Variants in TG observed in about 807,000 individuals in gnomAD.
TG encodes the protein thyroglobulin, also known as thyroid hormones.
Under a neutral mutation model 324.7 loss-of-function variants are expected in TG, and 270 were observed. The observed-to-expected ratio is 0.83, with a 90% CI of 0.75 to 0.92. The LOEUF (loss-of-function observed/expected upper bound fraction) is 0.92, where lower values mean the gene tolerates loss of function less well. Among genes scored for constraint, TG ranks in the 40% least tolerant of loss-of-function variants. The probability of loss-of-function intolerance (pLI) is 0.00; values close to 1 mark genes in which losing one functional copy is unlikely to be tolerated. For synonymous variants in TG, 1,401 were observed against 1,327.0 expected, an observed-to-expected ratio of 1.06 and a Z score of -1.21; for missense variants, 3,591 against 3,456.4, an observed-to-expected ratio of 1.04 and a Z score of -0.98.
At chr8:132,930,814 C>T (rs1012672193) in intron 23 of TG, among the ~76,000 whole-genome samples, 1 of 152,070 alleles carries the variant, frequency 6.6e-6, no homozygotes, top group African/African-American at 2.4e-5. Context: ...GCCAACTGGG[C>T]CACTGAGTTC....
chr8:133,099,314 C>A (rs190002542), intron 43 of TG, among the ~76,000 whole-genome samples: 1 of 152,228 alleles, frequency 6.6e-6, no homozygotes, highest in African/African-American at 2.4e-5. Context: ...CCTTGGGACA[C>A]GCATTAGTGA....
chr8:132,906,743 G>C lies in TG; in HGVS notation c.3690G>C (p.Leu1230=), dbSNP rs1236592790. The C allele has an allele frequency of 6.2e-7, 1 of 1,614,118 alleles. No homozygotes were observed. Among genetic ancestry groups the C allele is most frequent in the African/African-American group, 1.3e-5 (1 of 74,950 alleles). The part of the protein sequence containing the change: ...NASEVVGGTI[L]CETISGPTGS... Reference sequence around the variant, plus strand: ...CGGAGGTGGTTGGTGGAACAATCCTGTGTGAGACAATCTCGGGCCCCACAG... The same window carrying C: ...CGGAGGTGGTTGGTGGAACAATCCTCTGTGAGACAATCTCGGGCCCCACAG... The change falls in exon 17 of 48, where the codon CTG becomes CTC. Residue 1230 remains leucine (L), a synonymous_variant. Transcript: ENST00000220616.
At chr8:133,020,078 G>A (rs118169685) in intron 39 of TG, among the ~76,000 whole-genome samples, 7,373 of 152,254 alleles carry the variant, frequency 0.048, 228 homozygotes, top group Middle Eastern at 0.078. Flanking sequence ...AATGGAGAGA[G>A]ATATATTTAC....
chr8:132,964,891 G>C (rs1452712696), intron 29 of TG: 1 of 702,144 alleles, frequency 1.4e-6, no homozygotes, highest in African/African-American at 1.7e-5. Context: ...GGCCAGGAAA[G>C]GTTTCTCGGA....
At chr8:132,895,290 G>C (rs529733707) in intron 11 of TG, among the ~76,000 whole-genome samples, 3 of 152,216 alleles carry the variant, frequency 2.0e-5, no homozygotes, top group African/African-American at 4.8e-5. Context: ...GACAACATCT[G>C]CTCCAAGTCA....
At chr8:132,936,705 G>A (rs574641806) in intron 25 of TG, among the ~76,000 whole-genome samples, 60 of 152,276 alleles carry the variant, frequency 3.9e-4, no homozygotes, top group Admixed American at 3.7e-3. Context: ...TGAGGTCTGC[G>A]CTCGCTCTTC....
chr8:132,965,102 G>A (rs1828353830), intron 29 of TG, among the ~76,000 whole-genome samples: 1 of 152,296 alleles, frequency 6.6e-6, no homozygotes, highest in African/African-American at 2.4e-5. Flanking sequence ...GTTCAATGGG[G>A]AGACCCACAT....
chr8:133,059,840 T>C (rs1430783061), intron 41 of TG, among the ~76,000 whole-genome samples: 1 of 152,136 alleles, frequency 6.6e-6, no homozygotes, highest in Admixed American at 6.5e-5. Flanking sequence ...GAAAATAAAG[T>C]GATTAAACCA....
chr8:132,913,414 A>G lies in TG; in HGVS notation c.4378+149A>G, dbSNP rs2258483. 0.49 allele frequency: 372,883 copies of G among 764,900 alleles called. 98,003 individuals are homozygous for G. Among genetic ancestry groups the G allele is most frequent in the Admixed American group, 0.59 (28,966 of 49,360 alleles). 47.4% of individuals were successfully genotyped at this position (764,900 alleles called of 1,614,324 possible). A position where few individuals can be genotyped will look rare whatever the true frequency, so the allele number is the denominator to read the frequency against. On this transcript the variant is annotated intron_variant, in intron 20 of 47. Coordinates refer to ENST00000220616, the MANE Select transcript of TG (RefSeq NM_003235.5). ...GAGCAAAAGTTTTCAATCATCTACT[A>G]TGCATGGGTGTATAGTCTCCATCTG...
intron 45 of TG, among the ~76,000 whole-genome samples, chr8:133,118,918 A>T (rs1343029281): frequency 1.3e-5 from 2 of 152,186 alleles, no homozygotes; most frequent in African/African-American, 4.8e-5. Context: ...TGCAATCTTA[A>T]GTATCCTTAT....
chr8:132,950,951 G>A (rs896671587), intron 27 of TG, among the ~76,000 whole-genome samples: 8 of 152,162 alleles, frequency 5.3e-5, no homozygotes, highest in South Asian at 2.1e-4. Context: ...CGGTTTGCCA[G>A]CTGAAGACAC....
At chr8:132,877,775 AC>A (rs1814040266) in intron 5 of TG, among the ~76,000 whole-genome samples, 1 of 152,202 alleles carries the variant, frequency 6.6e-6, no homozygotes, top group Non-Finnish European at 1.5e-5. Context: ...TTTTTATTCA[AC>A]AAAAGGCAAA....
chr8:133,061,051 G>A (rs141911658), intron 41 of TG, among the ~76,000 whole-genome samples: 188 of 152,276 alleles, frequency 1.2e-3, no homozygotes, highest in African/African-American at 2.2e-3. Context: ...TCACTCTGTC[G>A]CCTAGGTTGG....
chr8:133,013,039 G>C (rs952017992), intron 36 of TG, among the ~76,000 whole-genome samples: 2 of 152,356 alleles, frequency 1.3e-5, no homozygotes, highest in South Asian at 4.1e-4. Flanking sequence ...GGAGTATGGA[G>C]AGCCTTGTTT....
chr8:133,060,496 G>C, intron 41 of TG: 1 of 812,842 alleles, frequency 1.2e-6, no homozygotes, highest in Non-Finnish European at 1.8e-6. Context: ...AGCCACAGCA[G>C]GGTTTGTGTG....
chr8:132,980,722 A>G (rs1830724517), intron 34 of TG, among the ~76,000 whole-genome samples: 1 of 152,110 alleles, frequency 6.6e-6, no homozygotes, highest in Non-Finnish European at 1.5e-5. Context: ...AAATCCAGGT[A>G]GTTAGTGTCT....
At chr8:132,997,631 G>A (rs1284837142) in intron 35 of TG, among the ~76,000 whole-genome samples, 1 of 152,162 alleles carries the variant, frequency 6.6e-6, no homozygotes, top group East Asian at 1.9e-4. Flanking sequence ...GACTGGAAGT[G>A]TCCATTGAGT....
chr8:132,869,886 A>G (rs932952043), intron 3 of TG, 60 bp downstream of exon 3: 39 of 1,500,758 alleles, frequency 2.6e-5, no homozygotes, highest in Non-Finnish European at 3.1e-5. Context: ...CACTTCCAGG[A>G]ATGAGCACTG....
chr8:133,081,893 C>CAGGCCCCACTCAAG (rs1845810089), intron 41 of TG, among the ~76,000 whole-genome samples: 2 of 152,194 alleles, frequency 1.3e-5, no homozygotes, highest in Admixed American at 1.3e-4. Flanking sequence ...GATTGTCACA[C>CAGGCCCCACTCAAG]AGGCCCCACT....
Sources: allele counts gnomAD v4.1 joint callset (sites outside exome capture counted in the v4.1 genomes callset), GRCh38; gene constraint gnomAD v4.1.1; transcripts MANE v1.5; gene names NCBI Gene and HGNC (gene_info 2026-07-23, HGNC 2026-07-21).